The following DDX21 variants were observed in gnomAD, a reference collection of about 807,000 sequenced individuals.
DDX21 encodes the protein DExD-box helicase 21.
In DDX21, 18 loss-of-function variants were observed where a neutral mutation model predicts 90.0. The observed-to-expected ratio is 0.20, with a 90% CI of 0.14 to 0.30. The LOEUF (loss-of-function observed/expected upper bound fraction) is 0.30. Among genes scored for constraint, DDX21 ranks in the 10% least tolerant of loss-of-function variants. The pLI, the probability that DDX21 is intolerant of heterozygous loss-of-function variation, is 1.00. For missense variants in DDX21, 673 were observed against 944.5 expected (o/e 0.71, Z 3.77); for synonymous variants, 294 against 318.0 (o/e 0.92, Z 0.80).
intron 11 of DDX21, among the ~76,000 whole-genome samples, chr10:68,975,403 T>C (rs1329417067): frequency 6.6e-6 from 1 of 152,238 alleles, no homozygotes; most frequent in Non-Finnish European, 1.5e-5. Context: ...CTGATTCCCC[T>C]GTGCCACATA....
In DDX21 at chr10:68,978,803, T is replaced by G. The variant is rs374331761; in HGVS notation, c.1903-39T>G. The G allele has an allele frequency of 2.1e-5, 34 of 1,583,660 alleles. No homozygotes were observed. The African/African-American group carries it at 4.2e-4, about 20-fold the overall frequency. On this transcript the variant is annotated intron_variant, in intron 12 of 14. Coordinates refer to ENST00000354185, the MANE Select transcript of DDX21 (RefSeq NM_004728.4). ...AGGTATTTATCAATTAGGTTTATTT[T>G]CAGCACTTTAATTTTATTCTCCTTT...
chr10:68,966,588 G>A (rs997443241), intron 5 of DDX21, among the ~76,000 whole-genome samples: 23 of 151,988 alleles, frequency 1.5e-4, no homozygotes, highest in African/African-American at 4.6e-4. Flanking sequence ...GATTACAGGC[G>A]CCCACCACTG....
At chr10:68,982,160 G>A (rs959976197) in intron 14 of DDX21, among the ~76,000 whole-genome samples, 2 of 152,166 alleles carry the variant, frequency 1.3e-5, no homozygotes, top group African/African-American at 4.8e-5. Flanking sequence ...GAGCCACCAC[G>A]TCCAGCCTAC....
intron 5 of DDX21, 24 bp from the exon 6 acceptor site, chr10:68,966,994 A>T: frequency 6.2e-7 from 1 of 1,600,284 alleles, no homozygotes. Flanking sequence ...AAAACCCAGC[A>T]AATCTTGTCA....
At position 68,978,961 on chromosome 10, in the gene DDX21, T is replaced by C. The variant is rs76782700; in HGVS notation, c.2022T>C (p.Phe674=). 4.3e-4 allele frequency: 691 copies of C among 1,614,150 alleles called. 2 individuals are homozygous for C. The African/African-American group carries it at 7.5e-3, about 17-fold the overall frequency. The part of the protein sequence containing the change: ...EIDSKVKGMV[F]LKGKLGVCFD... ...ATTCCAAAGTGAAGGGAATGGTTTT[T>C]CTCAAAGGAAAGCTGGTAAGGCTGG... The change falls in exon 13 of 15, where the codon TTT becomes TTC. Residue 674 remains phenylalanine (F), a synonymous_variant. Coordinates refer to ENST00000354185, the MANE Select transcript of DDX21 (RefSeq NM_004728.4).
intron 12 of DDX21, 135 bp downstream of exon 12, chr10:68,977,823 T>A: frequency 1.0e-6 from 1 of 999,858 alleles, no homozygotes; most frequent in Non-Finnish European, 1.4e-6. Flanking sequence ...TTTTACAATT[T>A]CTGGCCAGAC....
intron 3 of DDX21, among the ~76,000 whole-genome samples, chr10:68,962,741 T>A (rs895704454): frequency 2.6e-5 from 4 of 152,242 alleles, no homozygotes; most frequent in African/African-American, 4.8e-5. Flanking sequence ...CATCTCTAGA[T>A]TAATGAGCCT....
chr10:68,973,004 G>A (rs1843048336), intron 9 of DDX21, among the ~76,000 whole-genome samples: 1 of 152,034 alleles, frequency 6.6e-6, no homozygotes, highest in Non-Finnish European at 1.5e-5. Flanking sequence ...GGCCAATATG[G>A]TGAAACTCTG....
At chr10:68,976,939 CT>C (rs1157795643) in intron 11 of DDX21, among the ~76,000 whole-genome samples, 3 of 151,624 alleles carry the variant, frequency 2.0e-5, no homozygotes, top group Non-Finnish European at 2.9e-5. Flanking sequence ...TTTCTTATTT[CT>C]TTTATTTTCT....
In DDX21 at chr10:68,956,245, G is replaced by A. The variant is rs1166276929; in HGVS notation, c.20G>A (p.Ser7Asn). The change falls in exon 1 of 15, where the codon AGT (serine) becomes AAT (asparagine). Residue 7 changes from serine (S) to asparagine (N), a missense_variant. This residue lies in a region of DDX21 where 204 missense variants were observed against 221.6 expected (regional missense o/e 0.92). Coordinates refer to ENST00000354185, the MANE Select transcript of DDX21 (RefSeq NM_004728.4). ...CTGAAGATGCCGGGAAAACTCCGTAGTGACGCTGGTTTGGAATCAGACACC... is the reference window on the plus strand; with the variant it reads ...CTGAAGATGCCGGGAAAACTCCGTAATGACGCTGGTTTGGAATCAGACACC... Reference protein sequence around the residue: MPGKLRSDAGLESDTAM... With the variant: MPGKLRNDAGLESDTAM... The A allele has an allele frequency of 6.2e-7, 1 of 1,614,166 alleles. No individual in the cohort carries two copies. Among genetic ancestry groups the A allele is most frequent in the Admixed American group, 1.7e-5 (1 of 60,020 alleles).
intron 1 of DDX21, among the ~76,000 whole-genome samples, chr10:68,959,401 T>C (rs1241192644): frequency 6.6e-6 from 1 of 151,994 alleles, no homozygotes; most frequent in Non-Finnish European, 1.5e-5. Context: ...GGCTGAGGCA[T>C]GAGAATAACT....
At chr10:68,958,678 T>C (rs1045650768) in intron 1 of DDX21, among the ~76,000 whole-genome samples, 2 of 151,930 alleles carry the variant, frequency 1.3e-5, no homozygotes, top group Admixed American at 6.6e-5. Context: ...ACCTCGTGAT[T>C]CGCCCTCCTT....
At position 68,960,257 on chromosome 10, in the gene DDX21, T is replaced by G; in HGVS notation, c.531+8T>G. The G allele has an allele frequency of 1.3e-6, 2 of 1,586,444 alleles. No individual in the cohort carries two copies. Among genetic ancestry groups the G allele is most frequent in the Non-Finnish European group, 1.7e-6 (2 of 1,171,252 alleles). ...AACAGTGAGATAGAGCAGGTACATT[T>G]GCACTTCATTGGGTAGAAGATATCT... On this transcript the variant is annotated splice_region_variant and intron_variant, in intron 2 of 14. Coordinates refer to ENST00000354185, the MANE Select transcript of DDX21 (RefSeq NM_004728.4).
rs770243676 is a variant in DDX21 at position 68,956,187 on chromosome 10, G to T, written c.-39G>T. On this transcript the variant is annotated 5_prime_UTR_variant, in exon 1 of 15. Coordinates refer to ENST00000354185, the MANE Select transcript of DDX21 (RefSeq NM_004728.4). ...GGAACTACCTCTTCCTCTCCACGCG[G>T]TTGAGAAGACCGGTCGGCCTGGGCA... 2.3e-5 allele frequency: 37 copies of T among 1,608,394 alleles called. No homozygotes were observed. Among genetic ancestry groups the T allele is most frequent in the Non-Finnish European group, 3.1e-5 (37 of 1,176,160 alleles).
chr10:68,967,194 T>A lies in DDX21; in HGVS notation c.1081T>A (p.Tyr361Asn). 6.2e-7 allele frequency: 1 copy of A among 1,609,676 alleles called. No homozygotes were observed. Among genetic ancestry groups the A allele is most frequent in the Non-Finnish European group, 8.5e-7 (1 of 1,177,496 alleles). ...AGTGGAAGAGATTTTAAGTGTGGCATACAAGAAAGGTAATCCACAAATTCA... is the reference window on the plus strand; with the variant it reads ...AGTGGAAGAGATTTTAAGTGTGGCAAACAAGAAAGGTAATCCACAAATTCA... ...DQVEEILSVAYKKDSEDNPQT... is the reference protein window; with the variant it reads ...DQVEEILSVANKKDSEDNPQT... The change falls in exon 6 of 15, where the codon TAC becomes AAC. Residue 361 changes from tyrosine to asparagine, a missense_variant. Transcript: ENST00000354185.
At chr10:68,964,392 A>G (rs182888914) in intron 4 of DDX21, among the ~76,000 whole-genome samples, 77 of 152,270 alleles carry the variant, frequency 5.1e-4, no homozygotes, top group Middle Eastern at 3.4e-3. Context: ...TTTTAGATGA[A>G]TGTATTAGGT....
intron 8 of DDX21, 43 bp from the exon 9 acceptor site, chr10:68,971,848 A>G (rs1843032166): frequency 6.3e-7 from 1 of 1,591,408 alleles, no homozygotes; most frequent in Non-Finnish European, 8.6e-7. Flanking sequence ...AAGTACTTGT[A>G]TTGTTGGAAC....
intron 14 of DDX21, among the ~76,000 whole-genome samples, chr10:68,982,104 CCG>C (rs1325373562): frequency 6.6e-6 from 1 of 152,136 alleles, no homozygotes. Context: ...GAACTCCTGA[CCG>C]CGGGTGATCC....
At chr10:68,966,303 C>A (rs181750243) in intron 5 of DDX21, among the ~76,000 whole-genome samples, 1,626 of 151,722 alleles carry the variant, frequency 0.011, 11 homozygotes, top group South Asian at 0.025. Flanking sequence ...TCTCGAACTC[C>A]TGACCTCATG....
Sources: gnomAD v4.1 joint callset for allele counts (sites outside exome capture counted in the v4.1 genomes callset) on GRCh38, gnomAD v4.1.1 for gene constraint, gnomAD v4.1.1 regional missense constraint, MANE v1.5 for transcripts, NCBI Gene and HGNC (gene_info 2026-07-23, HGNC 2026-07-21) for gene names.